The following KLHL13 variants were observed in gnomAD, a reference collection of about 807,000 sequenced individuals.
KLHL13 encodes kelch-like protein 13.
A neutral mutation model predicts 37.1 loss-of-function variants in KLHL13; 10 were observed. The observed-to-expected ratio is 0.27, with a 90% CI of 0.17 to 0.46. The LOEUF (loss-of-function observed/expected upper bound fraction) is 0.46, where lower values mean the gene tolerates loss of function less well. Ranked by LOEUF, KLHL13 falls within the 20% of genes least tolerant of loss-of-function variation. The pLI, the probability that KLHL13 is intolerant of heterozygous loss-of-function variation, is 1.00. For missense variants in KLHL13, 360 were observed against 509.3 expected (o/e 0.71, Z 2.82); for synonymous variants, 163 against 181.2 (o/e 0.90, Z 0.81).
At chrX:117,987,527 A>G (rs1050376417) in intron 1 of KLHL13, among the ~76,000 whole-genome samples, 3 of 111,907 alleles carry the variant, frequency 2.7e-5, no homozygotes, top group African/African-American at 6.5e-5. Flanking sequence ...CATTATGCTC[A>G]GTGTCAAATA....
intron 1 of KLHL13, among the ~76,000 whole-genome samples, chrX:118,114,144 G>T (rs1310599052): frequency 2.7e-5 from 3 of 112,234 alleles, no homozygotes; most frequent in African/African-American, 9.7e-5. Flanking sequence ...ATTTTCAAGA[G>T]GTTTTAGTGG....
chrX:117,956,500 T>C (rs893730349), intron 1 of KLHL13, among the ~76,000 whole-genome samples: 1 of 112,207 alleles, frequency 8.9e-6, no homozygotes, highest in Non-Finnish European at 1.9e-5. Flanking sequence ...GAATTTTAAA[T>C]TGAAGATAAC....
At chrX:118,044,008 A>G (rs1000155244) in intron 1 of KLHL13, among the ~76,000 whole-genome samples, 3 of 112,355 alleles carry the variant, frequency 2.7e-5, no homozygotes, top group African/African-American at 9.7e-5. Context: ...GGCTCCACCC[A>G]AAAACTATTA....
intron 1 of KLHL13, among the ~76,000 whole-genome samples, chrX:117,972,135 CATAAT>C (rs1265768089): frequency 8.9e-6 from 1 of 111,814 alleles, no homozygotes; most frequent in Middle Eastern, 4.2e-3. Flanking sequence ...TTTCAATCCC[CATAAT>C]ATAACTGCTC....
intron 1 of KLHL13, among the ~76,000 whole-genome samples, chrX:117,994,749 A>G (rs1379834813): frequency 1.8e-5 from 2 of 112,205 alleles, no homozygotes; most frequent in Non-Finnish European, 3.8e-5. Flanking sequence ...TTCAACTTTC[A>G]TAAACAGCAA....
chrX:117,961,888 C>T (rs1339394536), intron 1 of KLHL13, among the ~76,000 whole-genome samples: 2 of 110,144 alleles, frequency 1.8e-5, no homozygotes, highest in East Asian at 5.7e-4. Context: ...GAGACCAGTA[C>T]CAAATTTCTG....
intron 1 of KLHL13, among the ~76,000 whole-genome samples, chrX:118,046,822 T>A (rs1280852424): frequency 9.0e-6 from 1 of 111,508 alleles, no homozygotes; most frequent in African/African-American, 3.3e-5. Flanking sequence ...AATTGTGAGA[T>A]AAAAGCTAAA....
chrX:117,945,846 C>A, intron 1 of KLHL13: 1 of 227,168 alleles, frequency 4.4e-6, no homozygotes, highest in Non-Finnish European at 7.9e-6. Context: ...TTTTTAAAGG[C>A]CACAGTAATT....
intron 1 of KLHL13, among the ~76,000 whole-genome samples, chrX:118,081,150 C>G (rs1447313466): frequency 2.7e-5 from 3 of 111,452 alleles, no homozygotes; most frequent in Non-Finnish European, 5.7e-5. Flanking sequence ...TAAAAAGCTA[C>G]CTATTGGGTA....
At chrX:117,941,230 A>C (rs1378513926) in intron 2 of KLHL13, among the ~76,000 whole-genome samples, 1 of 111,336 alleles carries the variant, frequency 9.0e-6, no homozygotes, top group African/African-American at 3.3e-5. Flanking sequence ...TGTTCTGTTT[A>C]TGTGATGGAT....
At chrX:117,940,007 C>G (rs778673686) in intron 2 of KLHL13, among the ~76,000 whole-genome samples, 51 of 111,792 alleles carry the variant, frequency 4.6e-4, no homozygotes, top group African/African-American at 1.5e-3. Flanking sequence ...TAGTCATCAA[C>G]TCTTTGCCGA....
chrX:118,077,093 T>C (rs1347224571), intron 1 of KLHL13, among the ~76,000 whole-genome samples: 1 of 111,352 alleles, frequency 9.0e-6, no homozygotes, highest in African/African-American at 3.3e-5. Flanking sequence ...CTTTCTGGAA[T>C]CATGTGGCAC....
intron 1 of KLHL13, among the ~76,000 whole-genome samples, chrX:118,030,500 T>C (rs1448923247): frequency 9.0e-6 from 1 of 111,650 alleles, no homozygotes. Context: ...GGTCCTGAAA[T>C]TAGGTATGCA....
intron 1 of KLHL13, among the ~76,000 whole-genome samples, chrX:118,017,412 A>C (rs1177254118): frequency 8.9e-6 from 1 of 111,746 alleles, no homozygotes; most frequent in African/African-American, 3.2e-5. Flanking sequence ...GAAAGCGAAA[A>C]GGCAACATGG....
chrX:118,100,303 T>C (rs1052104876), intron 1 of KLHL13, among the ~76,000 whole-genome samples: 1 of 111,605 alleles, frequency 9.0e-6, no homozygotes, highest in Admixed American at 9.6e-5. Context: ...GCTACCACGT[T>C]CTCAGTTACT....
At chrX:118,088,581 G>T (rs1248893913) in intron 1 of KLHL13, among the ~76,000 whole-genome samples, 1 of 111,769 alleles carries the variant, frequency 8.9e-6, no homozygotes, top group Admixed American at 9.6e-5. Context: ...CCTACATAAT[G>T]ATAACTTTAA....
chrX:118,018,515 A>G (rs2054154886), intron 1 of KLHL13, among the ~76,000 whole-genome samples: 2 of 111,966 alleles, frequency 1.8e-5, no homozygotes, highest in Admixed American at 9.5e-5. Context: ...TTTCTTTCAG[A>G]TATTCATTAA....
At chrX:117,970,276 T>C (rs2053502188) in intron 1 of KLHL13, among the ~76,000 whole-genome samples, 1 of 112,108 alleles carries the variant, frequency 8.9e-6, no homozygotes, top group Non-Finnish European at 1.9e-5. Flanking sequence ...TACAAACCAA[T>C]ACTGATGCTA....
At chrX:117,921,935 C>A (rs1931726780) in intron 2 of KLHL13, among the ~76,000 whole-genome samples, 1 of 111,950 alleles carries the variant, frequency 8.9e-6, no homozygotes. Context: ...TCATATTTTT[C>A]TTTTTCCAAC....
Sources: allele counts gnomAD v4.1 joint callset (sites outside exome capture counted in the v4.1 genomes callset), GRCh38; gene constraint gnomAD v4.1.1; transcripts MANE v1.5; gene names NCBI Gene and HGNC (gene_info 2026-07-23, HGNC 2026-07-21).